The following AGBL2 variants were observed in gnomAD, a reference collection of about 807,000 sequenced individuals.
The protein encoded by AGBL2 is AGBL carboxypeptidase 2.
AGBL2 carries 87 observed loss-of-function variants against 103.0 expected under a neutral mutation model. The observed-to-expected ratio is 0.84, with a 90% CI of 0.71 to 1.01. AGBL2 has a LOEUF of 1.01. Among genes scored for constraint, AGBL2 ranks in the 50% least tolerant of loss-of-function variants. AGBL2 has a pLI of 0.00. For missense variants in AGBL2, 904 were observed against 1,023.5 expected (o/e 0.88, Z 1.59); for synonymous variants, 335 against 356.7 (o/e 0.94, Z 0.69).
chr11:47,685,479 T>C (rs991583817), intron 11 of AGBL2, among the ~76,000 whole-genome samples: 2 of 151,816 alleles, frequency 1.3e-5, no homozygotes, highest in African/African-American at 4.8e-5. Context: ...TGGAGTGCAA[T>C]GGCACGATCT....
In AGBL2 at chr11:47,705,600, G is replaced by A. The variant is rs972464913; in HGVS notation, c.321C>T (p.Arg107=). The A allele has an allele frequency of 2.8e-5, 14 of 507,804 alleles. No individual in the cohort carries two copies. The highest frequency in any genetic ancestry group is 9.7e-5 in the Admixed American group (3 of 31,050). 31.5% of individuals were successfully genotyped at this position (507,804 alleles called of 1,614,324 possible). Residue 107 remains arginine (R), a synonymous_variant, in exon 6 of 19, where the codon CGC becomes CGT. Coordinates refer to ENST00000525123, the MANE Select transcript of AGBL2 (RefSeq NM_024783.4). ...FHSCLGWMQW[R]GLSSLQPPPP... ...GTGGAGGTTGCAGTGAGCTGAGGCC[G>A]CGCCACTGCATCCAGCCCAGGCAAG...
At position 47,689,302 on chromosome 11, in the gene AGBL2, A is replaced by ATTT. The variant is rs397741033; in HGVS notation, c.1631+771_1631+773dup. On this transcript the variant is annotated intron_variant, in intron 10 of 18. Coordinates refer to ENST00000525123, the MANE Select transcript of AGBL2 (RefSeq NM_024783.4). ...AGTTACTTAACCTACCCACTTCTCA[A>ATTT]TTTTTTTTTTTTTTTTTTTTGAGAT... Among the ~76,000 whole-genome samples, 25 of 126,216 alleles carry ATTT rather than the reference A, an allele frequency of 2.0e-4. 1 individual carries two copies. Among genetic ancestry groups the ATTT allele is most frequent in the Admixed American group, 4.5e-4 (5 of 11,210 alleles). 82.8% of individuals were successfully genotyped at this position (126,216 alleles called of 152,430 possible). A position where few individuals can be genotyped will look rare whatever the true frequency, so the allele number is the denominator to read the frequency against.
At chr11:47,706,237 C>T (rs1468036304) in intron 4 of AGBL2, among the ~76,000 whole-genome samples, 1 of 152,076 alleles carries the variant, frequency 6.6e-6, no homozygotes, top group Non-Finnish European at 1.5e-5. Flanking sequence ...GCCTGGCCGG[C>T]TGGGCGCGGT....
At chr11:47,663,695 T>C (rs183864990) in intron 17 of AGBL2, among the ~76,000 whole-genome samples, 2 of 151,764 alleles carry the variant, frequency 1.3e-5, no homozygotes, top group East Asian at 3.9e-4. Context: ...TAGCTGGGAT[T>C]ACAGGCATGC....
intron 7 of AGBL2, among the ~76,000 whole-genome samples, chr11:47,700,099 A>G (rs2097492291): frequency 6.6e-6 from 1 of 151,956 alleles, no homozygotes; most frequent in African/African-American, 2.4e-5. Context: ...CTGGGATTAC[A>G]GACATGTGCC....
chr11:47,706,409 G>A (rs2097519612), intron 4 of AGBL2, among the ~76,000 whole-genome samples: 1 of 152,108 alleles, frequency 6.6e-6, no homozygotes, highest in African/African-American at 2.4e-5. Context: ...CCAGCTACTC[G>A]AGAGGCTGAG....
At chr11:47,677,246 C>A in intron 14 of AGBL2, 25 bp downstream of exon 14, 5 of 1,555,566 alleles carry the variant, frequency 3.2e-6, no homozygotes, top group South Asian at 1.2e-5. Flanking sequence ...TAAAAAAAAA[C>A]AAAACTCTGT....
intron 11 of AGBL2, 144 bp from the exon 12 acceptor site, chr11:47,682,239 G>T: frequency 1.2e-6 from 1 of 848,556 alleles, no homozygotes; most frequent in Admixed American, 2.5e-5. Flanking sequence ...AATTTGGAGG[G>T]ATGTTAACAG....
chr11:47,681,405 C>G (rs1358663075), intron 12 of AGBL2, among the ~76,000 whole-genome samples: 1 of 152,102 alleles, frequency 6.6e-6, no homozygotes, highest in Non-Finnish European at 1.5e-5. Flanking sequence ...TACCCAAGAA[C>G]ACAAAACTTG....
intron 10 of AGBL2, among the ~76,000 whole-genome samples, chr11:47,689,538 C>T (rs1312032184): frequency 6.6e-6 from 1 of 152,060 alleles, no homozygotes; most frequent in East Asian, 1.9e-4. Context: ...CTCCTGACCC[C>T]AGGTAATCCG....
chr11:47,698,121 C>CA (rs202064854), intron 8 of AGBL2, among the ~76,000 whole-genome samples: 4,754 of 147,650 alleles, frequency 0.032, 264 homozygotes, highest in African/African-American at 0.11. Context: ...CTTGGCCTCC[C>CA]AAAGTGCTGG....
chr11:47,713,845 T>C lies in AGBL2; in HGVS notation c.97+439A>G, dbSNP rs1039886164. 9.2e-5 allele frequency among the ~76,000 whole-genome samples: 14 copies of C among 152,094 alleles called. No individual in the cohort carries two copies. The East Asian group carries it at 2.0e-3, about 21-fold the overall frequency. ...ACCTCGTGCTCCACCCGTCTCGGCC[T>C]CCCAAAGTGCTGTGATTACAGGTGT... On this transcript the variant is annotated intron_variant, in intron 3 of 18. Transcript: ENST00000525123.
rs960851801 is a variant in AGBL2 at position 47,679,444 on chromosome 11, A to G, written c.2016+529T>C. Among the ~76,000 whole-genome samples, 13 of 152,078 alleles carry G rather than the reference A, an allele frequency of 8.5e-5. No homozygotes were observed. The South Asian group carries it at 2.1e-3, about 24-fold the overall frequency. On this transcript the variant is annotated intron_variant, in intron 13 of 18. Transcript: ENST00000525123. ...CATAGGTTAAGTCCAGAAGTGAGGGAGAGGTGTTCCAAAGGACTGTCTCCA... is the reference window on the plus strand; with the variant it reads ...CATAGGTTAAGTCCAGAAGTGAGGGGGAGGTGTTCCAAAGGACTGTCTCCA...
chr11:47,712,656 C>A (rs754572191), intron 3 of AGBL2, among the ~76,000 whole-genome samples: 21 of 152,234 alleles, frequency 1.4e-4, no homozygotes, highest in Non-Finnish European at 2.5e-4. Context: ...GTAATCCCAG[C>A]ACTTTGGGAG....
chr11:47,671,781 GGAT>G (rs2097358371), intron 14 of AGBL2, among the ~76,000 whole-genome samples: 1 of 152,164 alleles, frequency 6.6e-6, no homozygotes, highest in Non-Finnish European at 1.5e-5. Flanking sequence ...TAGCCTTTTA[GGAT>G]GCTGGAAGTC....
intron 9 of AGBL2, among the ~76,000 whole-genome samples, chr11:47,691,304 A>G (rs2097444429): frequency 6.6e-6 from 1 of 151,918 alleles, no homozygotes; most frequent in Non-Finnish European, 1.5e-5. Context: ...ATAAGGAAGT[A>G]TATCTATGGT....
Position 47,667,445 on chromosome 11 carries a change from A to G in AGBL2, c.2340+126T>C, listed in dbSNP as rs1194604925. 4.0e-6 allele frequency: 5 copies of G among 1,238,620 alleles called. No homozygotes were observed. In the African/African-American group the frequency reaches 7.6e-5, roughly 19 times the overall value. 76.7% of individuals were successfully genotyped at this position (1,238,620 alleles called of 1,614,324 possible). ...TGGAAGGGTTCTGATCGCAAAACAG[A>G]AAGTCTCCCTCTGCCCCAATCTCCA... On this transcript the variant is annotated intron_variant, in intron 16 of 18. Coordinates refer to ENST00000525123, the MANE Select transcript of AGBL2 (RefSeq NM_024783.4).
At chr11:47,661,162 C>CA (rs78578303) in intron 18 of AGBL2, among the ~76,000 whole-genome samples, 150 of 147,066 alleles carry the variant, frequency 1.0e-3, no homozygotes, top group African/African-American at 3.4e-3. Context: ...GACCCTGTCT[C>CA]AAAAAAAAAA....
In AGBL2 at chr11:47,714,342, A is replaced by C. The variant is rs1425559383; in HGVS notation, c.39T>G (p.Ile13Met). 1 of 1,612,928 alleles carries C rather than the reference A, an allele frequency of 6.2e-7. No individual in the cohort carries two copies. The highest frequency in any genetic ancestry group is 8.5e-7 in the Non-Finnish European group (1 of 1,179,370). ...ACATAAAGTCTTCATAAGGATCAGG[A>C]ATAGTCTGTGAAAGGAAAGGCCACT... ...PALETHLKQT[I>M]PDPYEDFMYR... Residue 13 changes from isoleucine (I) to methionine (M), a missense_variant, in exon 3 of 19, where the codon ATT becomes ATG. Physicochemically the swap from Ile to Met is conservative, Grantham distance 10. Coordinates refer to ENST00000525123, the MANE Select transcript of AGBL2 (RefSeq NM_024783.4).
Sources: allele counts gnomAD v4.1 joint callset (sites outside exome capture counted in the v4.1 genomes callset), GRCh38; gene constraint gnomAD v4.1.1; transcripts MANE v1.5; gene names NCBI Gene and HGNC (gene_info 2026-07-23, HGNC 2026-07-21).